The following ADGRV1 variants were observed in gnomAD, a reference collection of about 807,000 sequenced individuals.
ADGRV1 encodes the protein adhesion G protein-coupled receptor V1, also known as G-protein coupled receptor 98.
A neutral mutation model predicts 596.2 loss-of-function variants in ADGRV1; 359 were observed. That is an observed-to-expected ratio of 0.60 (90% CI 0.55 to 0.66). ADGRV1 has a LOEUF of 0.66. Ranked by LOEUF, ADGRV1 falls within the 30% of genes least tolerant of loss-of-function variation. The pLI, the probability that ADGRV1 is intolerant of heterozygous loss-of-function variation, is 0.00. For synonymous variants in ADGRV1, 2,681 were observed against 2,679.2 expected (o/e 1.00, Z -0.02); for missense variants, 7,274 against 7,575.6 (o/e 0.96, Z 1.48).
intron 83 of ADGRV1, among the ~76,000 whole-genome samples, chr5:90,936,413 C>G (rs959919477): frequency 5.3e-5 from 8 of 151,996 alleles, no homozygotes; most frequent in African/African-American, 1.7e-4. Flanking sequence ...AAAATGACAT[C>G]AATTGAATCT....
At chr5:90,779,664 C>T (rs1758634740) in intron 64 of ADGRV1, 1 of 152,078 alleles carries the variant, frequency 6.6e-6, no homozygotes, top group Admixed American at 6.6e-5. Flanking sequence ...CTTTCATTCC[C>T]TGATTTAGTG....
chr5:91,009,917 T>G (rs1782589712), intron 85 of ADGRV1, among the ~76,000 whole-genome samples: 2 of 152,066 alleles, frequency 1.3e-5, no homozygotes, highest in Admixed American at 1.3e-4. Flanking sequence ...TTGTATAAAT[T>G]ATAAGTACAA....
chr5:91,045,706 C>G (rs1193818313), intron 85 of ADGRV1, among the ~76,000 whole-genome samples: 1 of 151,980 alleles, frequency 6.6e-6, no homozygotes, highest in East Asian at 1.9e-4. Context: ...ATAAGGGCAT[C>G]CAAATCAGTA....
In ADGRV1 at chr5:90,685,830, ATT is replaced by A; in HGVS notation, c.6326_6327del (p.Ile2109AsnfsTer5). ...GPKVETIAQL[I>X]IIANDDAFGT... ...TAAGGTAGAAACTATTGCGCAACTA[ATT>A]ATCATTGCCAATGATGATGCATTTG... On this transcript the variant is annotated frameshift_variant, in exon 29 of 90. Coordinates refer to ENST00000405460, the MANE Select transcript of ADGRV1 (RefSeq NM_032119.4). LOFTEE classifies it high-confidence loss of function. 1 of 1,612,136 alleles carries A rather than the reference ATT, an allele frequency of 6.2e-7. No homozygotes were observed. The highest frequency in any genetic ancestry group is 8.5e-7 in the Non-Finnish European group (1 of 1,178,856).
At chr5:91,115,641 A>G (rs926850952) in intron 87 of ADGRV1, among the ~76,000 whole-genome samples, 2 of 152,200 alleles carry the variant, frequency 1.3e-5, no homozygotes, top group Non-Finnish European at 1.5e-5. Flanking sequence ...CAAAACTGAA[A>G]TAAAACAATA....
intron 85 of ADGRV1, among the ~76,000 whole-genome samples, chr5:91,051,537 ATTT>A (rs1192844206): frequency 2.7e-3 from 275 of 102,452 alleles, no homozygotes; most frequent in Non-Finnish European, 3.0e-3. Context: ...TTGACTTAGG[ATTT>A]TTTTTTTTTT....
intron 86 of ADGRV1, among the ~76,000 whole-genome samples, chr5:91,101,789 GCA>G (rs144940667): frequency 1.3e-5 from 2 of 150,558 alleles, no homozygotes; most frequent in African/African-American, 4.9e-5. Flanking sequence ...ACGTGCGCAT[GCA>G]CACACACACA....
In ADGRV1 at chr5:90,755,204, GAATGTGATCTAA is replaced by G. The variant is rs1211014643; in HGVS notation, c.11580+23_11580+34del. 3 of 1,552,034 alleles carry G rather than the reference GAATGTGATCTAA, an allele frequency of 1.9e-6. No homozygotes were observed. Among genetic ancestry groups the G allele is most frequent in the Non-Finnish European group, 2.6e-6 (3 of 1,143,888 alleles). ...TTTGCCGGTAAGTCAAGGCTGCAAAGAATGTGATCTAAAATAGAGGAAAATTCTCTTAAGTAA... is the reference window on the plus strand; with the variant it reads ...TTTGCCGGTAAGTCAAGGCTGCAAAGAATAGAGGAAAATTCTCTTAAGTAA... On this transcript the variant is annotated intron_variant, in intron 55 of 89. Coordinates refer to ENST00000405460, the MANE Select transcript of ADGRV1 (RefSeq NM_032119.4).
At chr5:90,838,506 A>G (rs1274936256) in intron 77 of ADGRV1, among the ~76,000 whole-genome samples, 1 of 151,592 alleles carries the variant, frequency 6.6e-6, no homozygotes, top group Non-Finnish European at 1.5e-5. Flanking sequence ...TAACCTCATC[A>G]CCTCTCCTGA....
intron 85 of ADGRV1, among the ~76,000 whole-genome samples, chr5:91,013,112 T>C (rs1022433731): frequency 6.6e-6 from 1 of 152,152 alleles, no homozygotes; most frequent in African/African-American, 2.4e-5. Flanking sequence ...TCACATTTTC[T>C]TTATCCAATC....
At chr5:90,893,303 T>C (rs986672741) in intron 83 of ADGRV1, among the ~76,000 whole-genome samples, 1 of 152,132 alleles carries the variant, frequency 6.6e-6, no homozygotes, top group East Asian at 1.9e-4. Context: ...CCAAATTGAA[T>C]ACTATGAAAG....
At chr5:90,708,723 T>A in intron 38 of ADGRV1, 93 bp from the exon 39 acceptor site, 1 of 737,414 alleles carries the variant, frequency 1.4e-6, no homozygotes, top group Admixed American at 2.5e-5. Context: ...ATCTTCTGTA[T>A]ACTAATTATA....
rs1060499796 is a variant in ADGRV1 at position 90,644,869 on chromosome 5, G to A, written c.2898G>A (p.Glu966=). 1 of 1,569,612 alleles carries A rather than the reference G, an allele frequency of 6.4e-7. No homozygotes were observed. Among genetic ancestry groups the A allele is most frequent in the East Asian group, 2.3e-5 (1 of 43,358 alleles). Residue 966 remains glutamate (E), a splice_region_variant and synonymous_variant, in exon 15 of 90, where the codon GAG becomes GAA. Coordinates refer to ENST00000405460, the MANE Select transcript of ADGRV1 (RefSeq NM_032119.4). ...KNITIYSLPD[E]IPEEMEEFTV... is the part of the protein sequence containing the mutation. The stretch of plus-strand genomic sequence containing the variant: ...TCACCATTTACTCCCTTCCAGATGA[G>A]GTAAATATTGCATATAACTTTCTGC...
intron 1 of ADGRV1, among the ~76,000 whole-genome samples, chr5:90,597,771 A>T (rs1760883622): frequency 6.6e-6 from 1 of 152,048 alleles, no homozygotes; most frequent in African/African-American, 2.4e-5. Flanking sequence ...AGAGGAAGAT[A>T]AATTAAGAGG....
intron 78 of ADGRV1, among the ~76,000 whole-genome samples, chr5:90,848,117 C>T (rs1204015472): frequency 6.6e-6 from 1 of 152,120 alleles, no homozygotes; most frequent in African/African-American, 2.4e-5. Flanking sequence ...GTCATACTTA[C>T]TGAAAAAGGC....
chr5:90,788,125 A>G lies in ADGRV1; in HGVS notation c.13708A>G (p.Arg4570Gly). Residue 4570 changes from arginine (R) to glycine (G), a missense_variant, in exon 68 of 90, where the codon AGA becomes GGA. Arg to Gly is a moderately radical substitution (Grantham distance 125). Around this residue, in one of 5 missense-constraint regions of ADGRV1, gnomAD observed 3,643 missense variants for 3,809.2 expected, o/e 0.96. Coordinates refer to ENST00000405460, the MANE Select transcript of ADGRV1 (RefSeq NM_032119.4). ...TCAAGAAGCCTTACTGCCACAGAAT[A>G]GAGACATTGCAGACCCAGTGAGCGG... is the stretch of plus-strand genomic sequence containing the variant. ...NSQEALLPQN[R>G]DIADPVSGLF... 6.2e-7 allele frequency: 1 copy of G among 1,613,566 alleles called. No individual in the cohort carries two copies. Among genetic ancestry groups the G allele is most frequent in the Non-Finnish European group, 8.5e-7 (1 of 1,179,496 alleles).
At chr5:91,011,737 G>A (rs1782738420) in intron 85 of ADGRV1, among the ~76,000 whole-genome samples, 1 of 151,386 alleles carries the variant, frequency 6.6e-6, no homozygotes, top group African/African-American at 2.4e-5. Flanking sequence ...TTCCCATTTA[G>A]ATTTGATAAG....
intron 20 of ADGRV1, among the ~76,000 whole-genome samples, chr5:90,656,997 A>C (rs1769496336): frequency 6.6e-6 from 1 of 152,018 alleles, no homozygotes; most frequent in African/African-American, 2.4e-5. Context: ...AGTTGTTTGG[A>C]TAGAGAGATA....
At position 91,013,581 on chromosome 5, in the gene ADGRV1, T is replaced by G. The variant is rs562998402; in HGVS notation, c.18152+28059T>G. 3.3e-5 allele frequency among the ~76,000 whole-genome samples: 5 copies of G among 152,248 alleles called. 1 individual carries two copies. In the East Asian group the frequency reaches 9.6e-4, roughly 29 times the overall value. ...GTTGTTTGCTTTCCTCTTGTAAATTTAAGTTCCTCATAGATACTGAGTATT... is the reference window on the plus strand; with the variant it reads ...GTTGTTTGCTTTCCTCTTGTAAATTGAAGTTCCTCATAGATACTGAGTATT... On this transcript the variant is annotated intron_variant, in intron 85 of 89. Transcript: ENST00000405460.
Sources: allele counts gnomAD v4.1 joint callset (sites outside exome capture counted in the v4.1 genomes callset), GRCh38; gene constraint gnomAD v4.1.1; regional missense constraint gnomAD v4.1.1; transcripts MANE v1.5; gene names NCBI Gene and HGNC (gene_info 2026-07-23, HGNC 2026-07-21).